Variants in FTCDNL1 observed in about 807,000 individuals in gnomAD.
FTCDNL1 encodes the protein formiminotransferase cyclodeaminase N-terminal like.
In FTCDNL1, 11 loss-of-function variants were observed where a neutral mutation model predicts 5.9. The ratio of observed to expected loss-of-function variants is 1.87; its 90% CI spans 1.18 to 3.10. FTCDNL1 has a LOEUF of 3.10. Ranked by LOEUF, FTCDNL1 falls within the 30% of genes most tolerant of loss-of-function variation. FTCDNL1 has a pLI of 0.00. For missense variants in FTCDNL1, 115 were observed against 65.5 expected (o/e 1.76, Z -2.61); for synonymous variants, 58 against 24.8 (o/e 2.34, Z -3.99).
chr2:199,823,680 G>A (rs1191658224), intron 3 of FTCDNL1, among the ~76,000 whole-genome samples: 1 of 152,204 alleles, frequency 6.6e-6, no homozygotes, highest in Non-Finnish European at 1.5e-5. Flanking sequence ...AAGATATTCA[G>A]TAAACCATGC....
At chr2:199,785,931 G>C (rs1295732180) in intron 3 of FTCDNL1, among the ~76,000 whole-genome samples, 1 of 152,140 alleles carries the variant, frequency 6.6e-6, no homozygotes, top group Non-Finnish European at 1.5e-5. Flanking sequence ...ATGGTTTCAG[G>C]ATGAAACTGT....
chr2:199,720,470 C>G, the FTCDNL1 span, among the ~76,000 whole-genome samples: 6 of 152,184 alleles, frequency 3.9e-5, no homozygotes, highest in Non-Finnish European at 8.8e-5. Flanking sequence ...CTCTTCTTGT[C>G]TGGAGACCTT....
At chr2:199,725,471 T>C in the FTCDNL1 span, among the ~76,000 whole-genome samples, 3 of 152,196 alleles carry the variant, frequency 2.0e-5, no homozygotes, top group African/African-American at 7.2e-5. Flanking sequence ...ATGTAGTTTT[T>C]TCATAGGGTT....
chr2:199,683,709 G>A, the FTCDNL1 span, among the ~76,000 whole-genome samples: 32 of 151,984 alleles, frequency 2.1e-4, no homozygotes, highest in African/African-American at 6.3e-4. Context: ...TTGCATTTAC[G>A]AACTCATAAG....
chr2:199,760,904 C>T, intron 3 of FTCDNL1: 2 of 701,076 alleles, frequency 2.9e-6, no homozygotes, highest in Middle Eastern at 2.3e-4. Context: ...CCCCTCTCCA[C>T]TCAACCCCCA....
chr2:199,851,132 TGGCCCGCGCGC>T lies in FTCDNL1; in HGVS notation c.-411_-401del, dbSNP rs2076867623. 7.3e-6 allele frequency: 1 copy of T among 137,382 alleles called. No homozygotes were observed. The highest frequency in any genetic ancestry group is 3.0e-5 in the African/African-American group (1 of 32,816). 8.5% of individuals were successfully genotyped at this position (137,382 alleles called of 1,614,324 possible). ...GCCCAGCCCAAGTCGCCGCCGCGCG[TGGCCCGCGCGC>T]AGCCTCCGCCGCCGCGCGTGGCCCG... On this transcript the variant is annotated 5_prime_UTR_variant, in exon 1 of 5. Coordinates refer to ENST00000420128, the MANE Select transcript of FTCDNL1 (RefSeq NM_001363886.2).
Position 199,798,635 on chromosome 2 carries a change from GCA to G in FTCDNL1, c.212-37802_212-37801del, listed in dbSNP as rs1265936876. Among the ~76,000 whole-genome samples the G allele has an allele frequency of 7.9e-5, 12 of 152,230 alleles. No homozygotes were observed. In the East Asian group the frequency reaches 1.9e-3, roughly 24 times the overall value. The stretch of plus-strand genomic sequence containing the variant: ...TCCTCTTCATTCCACCACGTGAGCG[GCA>G]CAGAGAGATCAGAAGGGCCCTGAGG... On this transcript the variant is annotated intron_variant, in intron 3 of 3. Transcript: ENST00000416668.
chr2:199,828,413 G>A (rs1367823714), intron 3 of FTCDNL1, among the ~76,000 whole-genome samples: 1 of 152,174 alleles, frequency 6.6e-6, no homozygotes, highest in African/African-American at 2.4e-5. Context: ...TTTCAAGTAA[G>A]TGGCATTATC....
Position 199,811,553 on chromosome 2 carries a change from C to T in FTCDNL1, c.*1152G>A, listed in dbSNP as rs996217670. On this transcript the variant is annotated 3_prime_UTR_variant, in exon 5 of 5. Transcript: ENST00000420128. Reference sequence around the variant, plus strand: ...ACCATTACGCTTTGCTGTCCCATAGCTTTGATATGCCCAGTCACATTCAGT... The same window carrying T: ...ACCATTACGCTTTGCTGTCCCATAGTTTTGATATGCCCAGTCACATTCAGT... 5.3e-5 allele frequency among the ~76,000 whole-genome samples: 8 copies of T among 152,250 alleles called. No homozygotes were observed. Among genetic ancestry groups the T allele is most frequent in the South Asian group, 4.1e-4 (2 of 4,834 alleles).
At chr2:199,675,684 T>C in the FTCDNL1 span, among the ~76,000 whole-genome samples, 1 of 152,138 alleles carries the variant, frequency 6.6e-6, no homozygotes, top group African/African-American at 2.4e-5. Flanking sequence ...TTCCTCACGG[T>C]TCAAGATAGA....
chr2:199,793,170 C>A, intron 3 of FTCDNL1, among the ~76,000 whole-genome samples: 1 of 152,078 alleles, frequency 6.6e-6, no homozygotes, highest in Non-Finnish European at 1.5e-5. Flanking sequence ...TAACTGCCTG[C>A]AAGTATCTTT....
chr2:199,731,343 C>T, the FTCDNL1 span, among the ~76,000 whole-genome samples: 1 of 151,722 alleles, frequency 6.6e-6, no homozygotes, highest in African/African-American at 2.4e-5. Context: ...ACATGTATCC[C>T]AGAACTTAAA....
At chr2:199,711,803 C>A in the FTCDNL1 span, among the ~76,000 whole-genome samples, 1 of 152,170 alleles carries the variant, frequency 6.6e-6, no homozygotes, top group Admixed American at 6.5e-5. Flanking sequence ...GATGGGCTTC[C>A]AATTCCTGGG....
At chr2:199,822,332 A>C (rs1286137641) in intron 3 of FTCDNL1, among the ~76,000 whole-genome samples, 1 of 152,184 alleles carries the variant, frequency 6.6e-6, no homozygotes, top group Admixed American at 6.5e-5. Flanking sequence ...TGAGCCTGGA[A>C]GGTCAAGGCT....
chr2:199,703,043 T>TG, the FTCDNL1 span, among the ~76,000 whole-genome samples: 1 of 151,362 alleles, frequency 6.6e-6, no homozygotes, highest in Non-Finnish European at 1.5e-5. Context: ...TTTGTTTGTT[T>TG]TTAATTTTAT....
chr2:199,777,138 CA>C (rs1299114259), intron 3 of FTCDNL1, among the ~76,000 whole-genome samples: 6 of 151,842 alleles, frequency 4.0e-5, no homozygotes, highest in Non-Finnish European at 7.4e-5. Context: ...ACTAAAAATA[CA>C]AAAATTAGCC....
At chr2:199,815,806 C>T (rs964886618) in intron 4 of FTCDNL1, among the ~76,000 whole-genome samples, 4 of 152,024 alleles carry the variant, frequency 2.6e-5, no homozygotes, top group Non-Finnish European at 5.9e-5. Flanking sequence ...TCGAGACCAT[C>T]CTGGCCAACA....
intron 3 of FTCDNL1, among the ~76,000 whole-genome samples, chr2:199,763,375 A>T (rs1698361725): frequency 6.6e-6 from 1 of 152,142 alleles, no homozygotes; most frequent in African/African-American, 2.4e-5. Context: ...TTCTCCCAAA[A>T]CACATCTGAT....
the FTCDNL1 span, among the ~76,000 whole-genome samples, chr2:199,694,484 A>G: frequency 2.0e-5 from 3 of 152,142 alleles, no homozygotes; most frequent in Admixed American, 6.5e-5. Flanking sequence ...TAGGTAGTAC[A>G]TTAATCAGCT....
Sources: gnomAD v4.1 joint callset for allele counts (sites outside exome capture counted in the v4.1 genomes callset) on GRCh38, gnomAD v4.1.1 for gene constraint, MANE v1.5 for transcripts, NCBI Gene and HGNC (gene_info 2026-07-23, HGNC 2026-07-21) for gene names.